Variants in TGM5 observed in about 807,000 individuals in gnomAD.
TGM5 encodes the protein transglutaminase 5, also known as protein-glutamine gamma-glutamyltransferase 5.
A neutral mutation model predicts 77.2 loss-of-function variants in TGM5; 69 were observed. That is an observed-to-expected ratio of 0.89 (90% confidence interval 0.74 to 1.09). The LOEUF is 1.09. TGM5 is among the 50% of genes least tolerant of loss of function. The pLI, the probability that TGM5 is intolerant of heterozygous loss-of-function variation, is 0.00. For missense variants in TGM5, 842 were observed against 896.5 expected, an observed-to-expected ratio of 0.94 and a Z score of 0.78; for synonymous variants, 346 against 351.8, an observed-to-expected ratio of 0.98 and a Z score of 0.18.
intron 6 of TGM5, among the ~76,000 whole-genome samples, chr15:43,245,981 G>A (rs924370738): frequency 1.3e-5 from 2 of 151,848 alleles, no homozygotes; most frequent in African/African-American, 4.8e-5. Flanking sequence ...ACACAAGTCA[G>A]TCTCCTGGAC....
intron 9 of TGM5, among the ~76,000 whole-genome samples, chr15:43,237,326 G>C (rs2042597537): frequency 6.6e-6 from 1 of 152,198 alleles, no homozygotes; most frequent in African/African-American, 2.4e-5. Flanking sequence ...GGGCAGGCCA[G>C]AAGTGCTAAA....
chr15:43,240,664 C>T (rs2142360688), intron 7 of TGM5, among the ~76,000 whole-genome samples, 188 bp downstream of exon 7: 1 of 148,780 alleles, frequency 6.7e-6, no homozygotes, highest in East Asian at 2.0e-4. Context: ...GTTCAGATGT[C>T]TCCCAGCTGA....
Position 43,238,977 on chromosome 15 carries a change from C to T in TGM5, c.1185G>A (p.Val395=). The change falls in exon 9 of 13, where the codon GTG becomes GTA. Residue 395 remains valine (V), a synonymous_variant. Transcript: ENST00000220420. Reference sequence around the variant, plus strand: ...TGCAGTCAGCATTCACCATCGAAAACACAAAGGGCGTGTCATAGTTCAGGT... The same window carrying T: ...TGCAGTCAGCATTCACCATCGAAAATACAAAGGGCGTGTCATAGTTCAGGT... The part of the protein sequence containing the change: ...EVDLNYDTPF[V]FSMVNADCMS... The T allele has an allele frequency of 6.2e-7, 1 of 1,614,204 alleles. No homozygotes were observed. Among genetic ancestry groups the T allele is most frequent in the Non-Finnish European group, 8.5e-7 (1 of 1,180,042 alleles).
In TGM5 at chr15:43,261,069, TGTGTGTG is replaced by T. The variant is rs1566837422; in HGVS notation, c.11-497_11-491del. ...GGGCTAGCTGCTCTTCCTTTTTTTG[TGTGTGTG>T]TTTTTTTTTTTTTTTTTTTTTTTTT... On this transcript the variant is annotated intron_variant, in intron 1 of 12. Coordinates refer to ENST00000220420, the MANE Select transcript of TGM5 (RefSeq NM_201631.4). 4.9e-3 allele frequency among the ~76,000 whole-genome samples: 109 copies of T among 22,028 alleles called. 18 individuals carry two copies. The highest frequency in any genetic ancestry group is 0.019 in the African/African-American group (103 of 5,446). 14.5% of individuals were successfully genotyped at this position (22,028 alleles called of 152,430 possible).
chr15:43,263,592 G>A (rs897139680), intron 1 of TGM5, among the ~76,000 whole-genome samples: 3 of 152,006 alleles, frequency 2.0e-5, no homozygotes, highest in East Asian at 1.9e-4. Flanking sequence ...GTGGTGCTGG[G>A]ACAAGTGGAT....
Position 43,238,968 on chromosome 15 carries a change from C to A in TGM5, c.1194G>T (p.Met398Ile), listed in dbSNP as rs779424185. 1 of 1,614,216 alleles carries A rather than the reference C, an allele frequency of 6.2e-7. No homozygotes were observed. The highest frequency in any genetic ancestry group is 8.5e-7 in the Non-Finnish European group (1 of 1,180,046). ...GCCAGGACATGCAGTCAGCATTCACCATCGAAAACACAAAGGGCGTGTCAT... is the reference window on the plus strand; with the variant it reads ...GCCAGGACATGCAGTCAGCATTCACAATCGAAAACACAAAGGGCGTGTCAT... ...LNYDTPFVFS[M>I]VNADCMSWLV... Residue 398 changes from methionine (M) to isoleucine (I), a missense_variant, in exon 9 of 13, where the codon ATG becomes ATT. Coordinates refer to ENST00000220420, the MANE Select transcript of TGM5 (RefSeq NM_201631.4).
chr15:43,264,628 C>T (rs779236193), intron 1 of TGM5, among the ~76,000 whole-genome samples: 4 of 152,224 alleles, frequency 2.6e-5, no homozygotes, highest in South Asian at 2.1e-4. Context: ...TGGAATGGGA[C>T]GTGACTGCCA....
At chr15:43,254,160 C>G (rs2042727438) in intron 4 of TGM5, among the ~76,000 whole-genome samples, 1 of 152,224 alleles carries the variant, frequency 6.6e-6, no homozygotes, top group Admixed American at 6.5e-5. Context: ...CTGGCTCCTC[C>G]TGGTCCTTCA....
Position 43,253,496 on chromosome 15 carries a change from G to T in TGM5, c.684+10C>A, listed in dbSNP as rs966205907. ...GCTTCCTCCCTCCCCGGGCACGCCA[G>T]GGACCTCACCATGGCACACACCACT... On this transcript the variant is annotated intron_variant, in intron 5 of 12. Coordinates refer to ENST00000220420, the MANE Select transcript of TGM5 (RefSeq NM_201631.4). 2 of 1,610,716 alleles carry T rather than the reference G, an allele frequency of 1.2e-6. No homozygotes were observed. Among genetic ancestry groups the T allele is most frequent in the African/African-American group, 1.3e-5 (1 of 75,010 alleles).
At chr15:43,241,016 C>A (rs150850025) in intron 6 of TGM5, 26 bp from the exon 7 acceptor site, 1 of 1,614,122 alleles carries the variant, frequency 6.2e-7, no homozygotes, top group Non-Finnish European at 8.5e-7. Context: ...AAAAAAATCA[C>A]CTGTGAGCTG....
At position 43,256,557 on chromosome 15, in the gene TGM5, C is replaced by T. The variant is rs1267936829; in HGVS notation, c.555+11G>A. 3 of 1,608,314 alleles carry T rather than the reference C, an allele frequency of 1.9e-6. No individual in the cohort carries two copies. In the African/African-American group the frequency reaches 4.0e-5, roughly 22 times the overall value. ...GGGCCGGGATGGGCCATAAGCAGGG[C>T]TGAGACTCACCTGTCCATAGTTCCA... On this transcript the variant is annotated intron_variant, in intron 4 of 12. Coordinates refer to ENST00000220420, the MANE Select transcript of TGM5 (RefSeq NM_201631.4).
At chr15:43,252,611 C>T (rs1386884499) in intron 6 of TGM5, 148 bp downstream of exon 6, 44 of 1,055,784 alleles carry the variant, frequency 4.2e-5, no homozygotes, top group South Asian at 8.9e-5. Context: ...CCACCGTGCC[C>T]GGCCGAGACA....
intron 6 of TGM5, chr15:43,241,313 T>C: frequency 2.4e-6 from 1 of 412,148 alleles, no homozygotes; most frequent in East Asian, 5.2e-5. Flanking sequence ...CTCAGAGGCC[T>C]GACTCAACTG....
rs763398483 is a variant in TGM5, at chr15:43,260,532, G to A, written c.58C>T (p.Arg20Trp). The change falls in exon 2 of 13, where the codon CGG becomes TGG. Residue 20 changes from arginine to tryptophan, a missense_variant. Around this residue, in one of 2 missense-constraint regions of TGM5, gnomAD observed 815 missense variants for 844.6 expected, o/e 0.96. Transcript: ENST00000220420. ...ACAGTGATCTCCTCCGTGTGGTGCC[G>A]CACATTATTTCTGGAGCTCTGGAGG... The part of the protein sequence containing the change: ...TDLQSSRNNV[R>W]HHTEEITVDH... The A allele has an allele frequency of 4.3e-6, 7 of 1,614,070 alleles. No homozygotes were observed. Among genetic ancestry groups the A allele is most frequent in the South Asian group, 1.1e-5 (1 of 91,082 alleles).
At chr15:43,248,928 CCT>C (rs1266225554) in intron 6 of TGM5, among the ~76,000 whole-genome samples, 2 of 152,020 alleles carry the variant, frequency 1.3e-5, no homozygotes, top group African/African-American at 4.8e-5. Flanking sequence ...AGCAGAGGGC[CCT>C]ATATGCAAAC....
At chr15:43,244,142 C>T (rs921855287) in intron 6 of TGM5, among the ~76,000 whole-genome samples, 4 of 152,238 alleles carry the variant, frequency 2.6e-5, no homozygotes, top group African/African-American at 7.2e-5. Flanking sequence ...CATCCCTTCT[C>T]ATGCTCTCAC....
Position 43,256,620 on chromosome 15 carries a change from A to G in TGM5, c.503T>C (p.Ile168Thr), listed in dbSNP as rs376810198. The G allele has an allele frequency of 2.7e-5, 44 of 1,614,014 alleles. No individual in the cohort carries two copies. Among genetic ancestry groups the G allele is most frequent in the Non-Finnish European group, 3.6e-5 (42 of 1,180,026 alleles). ...QEYVMNDYGF[I>T]YQGSKNWIRP... is the part of the protein sequence containing the mutation. ...GATCCAGTTCTTGCTGCCTTGGTAG[A>G]TGAAGCCATAATCATTCATGACATA... is the stretch of plus-strand genomic sequence containing the variant. Residue 168 changes from isoleucine (I) to threonine (T), a missense_variant, in exon 4 of 13, where the codon ATC becomes ACC. Coordinates refer to ENST00000220420, the MANE Select transcript of TGM5 (RefSeq NM_201631.4).
intron 5 of TGM5, 111 bp downstream of exon 5, chr15:43,253,395 A>T (rs763134606): frequency 7.4e-6 from 11 of 1,489,980 alleles, no homozygotes; most frequent in Non-Finnish European, 9.1e-6. Flanking sequence ...GTCTCATCCA[A>T]GATGGCTTTG....
intron 6 of TGM5, among the ~76,000 whole-genome samples, chr15:43,249,774 C>A (rs760554130): frequency 7.9e-5 from 12 of 152,216 alleles, no homozygotes; most frequent in Non-Finnish European, 1.8e-4. Context: ...AAGTAACAGG[C>A]AACTAAATGG....
Sources: allele counts gnomAD v4.1 joint callset (sites outside exome capture counted in the v4.1 genomes callset), GRCh38; gene constraint gnomAD v4.1.1; regional missense constraint gnomAD v4.1.1; transcripts MANE v1.5; gene names NCBI Gene and HGNC (gene_info 2026-07-23, HGNC 2026-07-21).